Variants in TSHZ2 observed in about 807,000 individuals in gnomAD.
TSHZ2 encodes the protein teashirt homolog 2.
Under a neutral mutation model 74.4 loss-of-function variants are expected in TSHZ2, and 21 were observed. The observed-to-expected ratio is 0.28, with a 90% CI of 0.20 to 0.41. TSHZ2 has a LOEUF of 0.41. Ranked by LOEUF, TSHZ2 falls within the 10% of genes least tolerant of loss-of-function variation. The pLI is 1.00. For synonymous variants in TSHZ2, 540 were observed against 515.3 expected, an observed-to-expected ratio of 1.05 and a Z score of -0.65; for missense variants, 1,244 against 1,293.5, an observed-to-expected ratio of 0.96 and a Z score of 0.59.
chr20:53,050,103 G>GTATGTATATATATATATATATATATA (rs1422702818), intron 1 of TSHZ2, among the ~76,000 whole-genome samples: 5 of 116,064 alleles, frequency 4.3e-5, no homozygotes, highest in African/African-American at 1.9e-4. Context: ...GTATATGTGT[G>GTATGTATATATATATATATATATATA]TATATATATA....
intron 2 of TSHZ2, among the ~76,000 whole-genome samples, chr20:53,465,508 T>A (rs1381265878): frequency 3.3e-5 from 5 of 152,130 alleles, no homozygotes; most frequent in Non-Finnish European, 5.9e-5. Context: ...TGACCTCAAG[T>A]GAGCCACCTG....
Position 53,256,671 on chromosome 20 carries a change from C to A in TSHZ2, c.*8+100C>A. 6.8e-7 allele frequency: 1 copy of A among 1,467,114 alleles called. No homozygotes were observed. The highest frequency in any genetic ancestry group is 9.0e-7 in the Non-Finnish European group (1 of 1,107,540). The allele number at this position is 1,467,114 out of a possible 1,614,324, so 90.9% of individuals were successfully genotyped here. A position where few individuals can be genotyped will look rare whatever the true frequency, so the allele number is the denominator to read the frequency against. Reference sequence around the variant, plus strand: ...GCAGCTAGCATCTCCCAATGCCAAGCAGGATAGTAGCTTGCTGGAGTAGGA... The same window carrying A: ...GCAGCTAGCATCTCCCAATGCCAAGAAGGATAGTAGCTTGCTGGAGTAGGA... On this transcript the variant is annotated intron_variant, in intron 2 of 2. Transcript: ENST00000371497. This position sits in a 1 kb window ranked among gnomAD's most constrained non-coding sequence, Gnocchi z 4.3.
chr20:53,469,634 GAGGAAGGAAGGAAGGAAGGA>G lies in TSHZ2; in HGVS notation c.*9-17477_*9-17458del, dbSNP rs756806325. Among the ~76,000 whole-genome samples, 19 of 35,506 alleles carry G rather than the reference GAGGAAGGAAGGAAGGAAGGA, an allele frequency of 5.4e-4. 1 individual carries two copies. Among genetic ancestry groups the G allele is most frequent in the South Asian group, 1.6e-3 (1 of 640 alleles). 23.3% of individuals were successfully genotyped at this position (35,506 alleles called of 152,430 possible). ...ATAGATAGAGAGGGAGGAAGGGAGG[GAGGAAGGAAGGAAGGAAGGA>G]AGGAAGGAAGGAAGGAAGGAAGGAA... On this transcript the variant is annotated intron_variant, in intron 2 of 2. Coordinates refer to ENST00000371497, the MANE Select transcript of TSHZ2 (RefSeq NM_173485.6).
intron 1 of TSHZ2, among the ~76,000 whole-genome samples, chr20:53,047,850 A>G (rs1341215268): frequency 6.6e-6 from 1 of 152,164 alleles, no homozygotes; most frequent in East Asian, 1.9e-4. Flanking sequence ...TGCATACCCC[A>G]TGCATGGATG....
At chr20:53,352,232 CTTTTTTTTTTTT>C (rs142220716) in intron 2 of TSHZ2, among the ~76,000 whole-genome samples, 1 of 57,868 alleles carries the variant, frequency 1.7e-5, no homozygotes, top group Non-Finnish European at 3.1e-5. Flanking sequence ...CTCCTAAGCT[CTTTTTTTTTTTT>C]TTTTTTTTTT....
At chr20:53,358,329 CTTTTTTTT>C (rs57906027) in intron 2 of TSHZ2, among the ~76,000 whole-genome samples, 11 of 67,046 alleles carry the variant, frequency 1.6e-4, no homozygotes, top group African/African-American at 7.1e-4. Context: ...TTCTGTGGTT[CTTTTTTTT>C]TTTTTTTTTT....
chr20:53,411,002 TATGAGCTGTA>T (rs1363629079), intron 2 of TSHZ2, among the ~76,000 whole-genome samples: 1 of 152,116 alleles, frequency 6.6e-6, no homozygotes, highest in Non-Finnish European at 1.5e-5. Flanking sequence ...AGCACTTTAA[TATGAGCTGTA>T]ATTCAATGTT....
At chr20:53,360,719 G>C (rs192580453) in intron 2 of TSHZ2, among the ~76,000 whole-genome samples, 2 of 152,270 alleles carry the variant, frequency 1.3e-5, no homozygotes, top group Admixed American at 1.3e-4. Context: ...CCATTTTTCA[G>C]ATGGGGAAAC....
rs545208893 is a variant in TSHZ2 at position 53,188,291 on chromosome 20, G to C, written c.41-65208G>C. Among the ~76,000 whole-genome samples the C allele has an allele frequency of 1.3e-4, 20 of 152,306 alleles. 1 individual carries two copies. The East Asian group carries it at 3.3e-3, about 25-fold the overall frequency. On this transcript the variant is annotated intron_variant, in intron 1 of 2. Transcript: ENST00000371497. ...CTGTTCCCCCAGCTCTACAGCCGAG[G>C]GGACTTTTGGAGAAGCGCCTGACAT...
At chr20:53,140,026 A>G (rs545886172) in intron 1 of TSHZ2, among the ~76,000 whole-genome samples, 17 of 152,148 alleles carry the variant, frequency 1.1e-4, no homozygotes, top group African/African-American at 4.1e-4. Context: ...AATTCGTTCG[A>G]CAAATATTTA....
At chr20:53,018,125 G>A (rs1198999049) in intron 1 of TSHZ2, among the ~76,000 whole-genome samples, 1 of 152,148 alleles carries the variant, frequency 6.6e-6, no homozygotes, top group Non-Finnish European at 1.5e-5. Flanking sequence ...ATCAGGGAAG[G>A]CTTGCTCTAG....
chr20:53,249,719 G>A (rs544565348), intron 1 of TSHZ2, among the ~76,000 whole-genome samples: 1 of 152,346 alleles, frequency 6.6e-6, no homozygotes, highest in South Asian at 2.1e-4. Flanking sequence ...TAGGCATGAA[G>A]AGAAGGCCGT....
At chr20:53,046,137 G>A (rs1355134945) in intron 1 of TSHZ2, among the ~76,000 whole-genome samples, 2 of 152,110 alleles carry the variant, frequency 1.3e-5, no homozygotes, top group Non-Finnish European at 2.9e-5. Context: ...ATCTGTCAAG[G>A]GGGCTGCAGG....
intron 1 of TSHZ2, among the ~76,000 whole-genome samples, chr20:53,112,111 AGGAGCAAGACAGGGACAAG>A (rs1284247026): frequency 6.6e-6 from 1 of 152,196 alleles, no homozygotes; most frequent in African/African-American, 2.4e-5. Flanking sequence ...ACCAGGTAAT[AGGAGCAAGACAGGGACAAG>A]GGAGGAAGAC....
intron 2 of TSHZ2, among the ~76,000 whole-genome samples, chr20:53,486,686 A>G (rs550358348): frequency 1.3e-5 from 2 of 152,192 alleles, no homozygotes; most frequent in Non-Finnish European, 2.9e-5. Flanking sequence ...CAAAAGGAAA[A>G]GAATAAGAAA....
intron 1 of TSHZ2, chr20:53,196,420 A>C (rs1456978126): frequency 6.7e-6 from 1 of 149,192 alleles, no homozygotes; most frequent in Non-Finnish European, 1.5e-5. Flanking sequence ...AGAATACGCC[A>C]CCTAGTGAAG....
chr20:53,044,312 A>G (rs1984149011), intron 1 of TSHZ2, among the ~76,000 whole-genome samples: 1 of 152,206 alleles, frequency 6.6e-6, no homozygotes, highest in African/African-American at 2.4e-5. Flanking sequence ...CCTGTGACAC[A>G]TATCTTCTGT....
intron 1 of TSHZ2, among the ~76,000 whole-genome samples, chr20:53,028,143 G>A (rs1215464749): frequency 6.6e-6 from 1 of 152,140 alleles, no homozygotes; most frequent in Non-Finnish European, 1.5e-5. Flanking sequence ...AAATGGTGGT[G>A]GTGGATAGCA....
chr20:52,997,259 CG>C (rs141577108), intron 1 of TSHZ2, among the ~76,000 whole-genome samples: 34 of 149,118 alleles, frequency 2.3e-4, no homozygotes, highest in African/African-American at 7.7e-4. Flanking sequence ...CATCTTGCCC[CG>C]GGGGGGGGTT....
Sources: gnomAD v4.1 joint callset for allele counts (sites outside exome capture counted in the v4.1 genomes callset) on GRCh38, gnomAD v4.1.1 for gene constraint, Gnocchi (gnomAD v3.1) non-coding constraint, MANE v1.5 for transcripts, NCBI Gene and HGNC (gene_info 2026-07-23, HGNC 2026-07-21) for gene names.